The following LY86 variants were observed in gnomAD, a reference collection of about 807,000 sequenced individuals.
LY86 encodes lymphocyte antigen 86.
LY86 carries 20 observed loss-of-function variants against 17.3 expected under a neutral mutation model. The ratio of observed to expected loss-of-function variants is 1.15; its 90% CI spans 0.81 to 1.68. The LOEUF (loss-of-function observed/expected upper bound fraction) is 1.68, where lower values mean the gene tolerates loss of function less well. Among genes scored for constraint, LY86 ranks in the 40% most tolerant of loss-of-function variants. LY86 has a pLI of 0.00. For synonymous variants in LY86, 74 were observed against 70.6 expected (o/e 1.05, Z -0.24); for missense variants, 200 against 191.9 (o/e 1.04, Z -0.25).
chr6:6,622,600 A>C (rs770057405), intron 1 of LY86: 1 of 152,226 alleles, frequency 6.6e-6, no homozygotes, highest in Non-Finnish European at 1.5e-5. Flanking sequence ...GACTGGACCA[A>C]AGGGGTTTTG....
chr6:6,604,098 C>T lies in LY86; in HGVS notation c.136+15228C>T, dbSNP rs955859048. On this transcript the variant is annotated intron_variant, in intron 1 of 4. Transcript: ENST00000230568. ...TAGAGTGGTTCTTGATTGGGAACAT[C>T]TGAGGCATATAGGCAGAAGGAAATA... is the stretch of plus-strand genomic sequence containing the variant. Among the ~76,000 whole-genome samples, 58 of 152,152 alleles carry T rather than the reference C, an allele frequency of 3.8e-4. 2 individuals carry two copies. The highest frequency in any genetic ancestry group is 3.2e-3 in the Admixed American group (49 of 15,282).
chr6:6,588,727 C>A lies in LY86; in HGVS notation c.-8C>A. 1 of 1,613,788 alleles carries A rather than the reference C, an allele frequency of 6.2e-7. No individual in the cohort carries two copies. Among genetic ancestry groups the A allele is most frequent in the Non-Finnish European group, 8.5e-7 (1 of 1,179,802 alleles). Reference sequence around the variant, plus strand: ...TATTTTTCTGTGTGTCCCATACAGGCCCCCACCATGAAGGGTTTCACAGCC... The same window carrying A: ...TATTTTTCTGTGTGTCCCATACAGGACCCCACCATGAAGGGTTTCACAGCC... On this transcript the variant is annotated 5_prime_UTR_variant, in exon 1 of 5. Transcript: ENST00000230568.
chr6:6,592,666 A>G (rs367725160), intron 1 of LY86, among the ~76,000 whole-genome samples: 15 of 152,318 alleles, frequency 9.8e-5, no homozygotes, highest in East Asian at 5.8e-4. Context: ...AGACTTCATA[A>G]ATGGGATTAA....
chr6:6,650,371 G>C (rs1226469353), intron 4 of LY86, among the ~76,000 whole-genome samples: 1 of 133,884 alleles, frequency 7.5e-6, no homozygotes, highest in Non-Finnish European at 1.6e-5. Context: ...GTCTTGTTCT[G>C]CCTCCCAGGC....
chr6:6,605,958 A>G (rs988705030), intron 1 of LY86, among the ~76,000 whole-genome samples: 2 of 152,014 alleles, frequency 1.3e-5, no homozygotes, highest in Non-Finnish European at 2.9e-5. Flanking sequence ...TCATAAAAGA[A>G]GCGTGGACCC....
chr6:6,621,744 A>T (rs1308792977), intron 1 of LY86, among the ~76,000 whole-genome samples: 1 of 152,226 alleles, frequency 6.6e-6, no homozygotes, highest in African/African-American at 2.4e-5. Flanking sequence ...ATTTACTACA[A>T]ATAACCACTA....
intron 3 of LY86, among the ~76,000 whole-genome samples, chr6:6,639,908 C>T (rs910789527): frequency 1.3e-5 from 2 of 152,120 alleles, no homozygotes; most frequent in Admixed American, 6.5e-5. Flanking sequence ...GTGTATAATA[C>T]GGGAAAAACT....
rs568153420 is a variant in LY86, at chr6:6,645,971, C to T, written c.353-3654C>T. ...GGGAAGGGGTCTCTTTGTCTCTCTG[C>T]TCTGATTGTCTTGGCTTGGGTCAGA... is the stretch of plus-strand genomic sequence containing the variant. On this transcript the variant is annotated intron_variant, in intron 3 of 4. Transcript: ENST00000230568. 2.0e-4 allele frequency among the ~76,000 whole-genome samples: 30 copies of T among 152,242 alleles called. No individual in the cohort carries two copies. In the South Asian group the frequency reaches 5.4e-3, roughly 27 times the overall value.
rs149374161 is a variant in LY86 at position 6,595,921 on chromosome 6, C to A, written c.136+7051C>A. On this transcript the variant is annotated intron_variant, in intron 1 of 4. Transcript: ENST00000230568. ...TGTGGGTGGTCCCTGTGGGACCTGG[C>A]AGCCCCCTGGAAGCATCCAGGGTCA... 4.1e-3 allele frequency among the ~76,000 whole-genome samples: 619 copies of A among 152,264 alleles called. 4 individuals carry two copies. The highest frequency in any genetic ancestry group is 0.014 in the African/African-American group (564 of 41,546).
At chr6:6,621,664 A>G (rs1029190765) in intron 1 of LY86, among the ~76,000 whole-genome samples, 6 of 152,216 alleles carry the variant, frequency 3.9e-5, no homozygotes, top group African/African-American at 1.2e-4. Context: ...AGCACCCACC[A>G]CAAAGGATAT....
chr6:6,588,798 G>A lies in LY86; in HGVS notation c.64G>A (p.Gly22Ser), dbSNP rs766794901. ...TLIFPSCSGG[G>S]GGKAWPTHVV... ...GATTTTTCCCAGCTGCAGTGGAGGC[G>A]GCGGTGGGAAAGCCTGGCCCACACA... The change falls in exon 1 of 5, where the codon GGC becomes AGC. Residue 22 changes from glycine to serine, a missense_variant. Gly to Ser is a moderately conservative substitution (Grantham distance 56, BLOSUM62 0). Coordinates refer to ENST00000230568, the MANE Select transcript of LY86 (RefSeq NM_004271.4). 1.2e-5 allele frequency: 20 copies of A among 1,614,040 alleles called. No homozygotes were observed. The highest frequency in any genetic ancestry group is 3.3e-5 in the South Asian group (3 of 91,080).
chr6:6,612,527 A>C (rs1048501233), intron 1 of LY86, among the ~76,000 whole-genome samples: 2 of 152,192 alleles, frequency 1.3e-5, no homozygotes, highest in East Asian at 3.8e-4. Flanking sequence ...AAAAGAACAA[A>C]CCAACCACAC....
chr6:6,600,991 G>A (rs909321016), intron 1 of LY86, among the ~76,000 whole-genome samples: 1 of 152,198 alleles, frequency 6.6e-6, no homozygotes, highest in Non-Finnish European at 1.5e-5. Context: ...GGCAATTCAT[G>A]TGTAAATAAG....
At chr6:6,613,436 G>A (rs962971470) in intron 1 of LY86, among the ~76,000 whole-genome samples, 3 of 152,198 alleles carry the variant, frequency 2.0e-5, no homozygotes, top group Non-Finnish European at 4.4e-5. Context: ...GCCCTGCCGC[G>A]CCGGGAGGCA....
chr6:6,628,336 T>A (rs1761837436), intron 3 of LY86, among the ~76,000 whole-genome samples: 1 of 119,350 alleles, frequency 8.4e-6, no homozygotes, highest in South Asian at 3.3e-4. Context: ...CATCCCTCCC[T>A]CCCTTCCTCC....
At chr6:6,612,434 C>CT (rs1181101752) in intron 1 of LY86, among the ~76,000 whole-genome samples, 1 of 152,136 alleles carries the variant, frequency 6.6e-6, no homozygotes, top group East Asian at 1.9e-4. Context: ...AAAGAAACCG[C>CT]AAACCTTCAT....
chr6:6,621,485 G>C (rs1761672468), intron 1 of LY86: 1 of 152,242 alleles, frequency 6.6e-6, no homozygotes, highest in Admixed American at 6.5e-5. Flanking sequence ...AATTGATACA[G>C]TGATTATTTA....
intron 4 of LY86, among the ~76,000 whole-genome samples, chr6:6,651,320 G>A (rs1046291382): frequency 2.0e-5 from 3 of 152,166 alleles, no homozygotes; most frequent in African/African-American, 7.2e-5. Flanking sequence ...TTTCACCTCT[G>A]GGTTTGTTTC....
intron 3 of LY86, among the ~76,000 whole-genome samples, chr6:6,633,078 T>C (rs753645314): frequency 6.6e-6 from 1 of 152,204 alleles, no homozygotes; most frequent in African/African-American, 2.4e-5. Flanking sequence ...GTCAGGAAGA[T>C]GAAAGTGAAA....
Sources: gnomAD v4.1 joint callset for allele counts (sites outside exome capture counted in the v4.1 genomes callset) on GRCh38, gnomAD v4.1.1 for gene constraint, MANE v1.5 for transcripts, NCBI Gene and HGNC (gene_info 2026-07-23, HGNC 2026-07-21) for gene names.